CFAP91: variants seen among roughly 807,000 people sequenced by gnomAD.
The protein encoded by CFAP91 is cilia- and flagella-associated protein 91.
In CFAP91, 85 loss-of-function variants were observed where a neutral mutation model predicts 95.9. That is an observed-to-expected ratio of 0.89 (90% confidence interval 0.74 to 1.06). The LOEUF (loss-of-function observed/expected upper bound fraction) is 1.06. Ranked by LOEUF, CFAP91 falls within the 50% of genes least tolerant of loss-of-function variation. The pLI is 0.00. For missense variants in CFAP91, 962 were observed against 943.4 expected, an observed-to-expected ratio of 1.02 and a Z score of -0.26; for synonymous variants, 335 against 327.5, an observed-to-expected ratio of 1.02 and a Z score of -0.25.
chr3:119,711,470 T>A (rs2053471556), intron 5 of CFAP91, among the ~76,000 whole-genome samples: 3 of 152,208 alleles, frequency 2.0e-5, no homozygotes, highest in Admixed American at 2.0e-4. Context: ...TAACTAATTC[T>A]AGGGAGTTCA....
At chr3:119,761,215 A>T (rs78648514) in intron 17 of CFAP91, among the ~76,000 whole-genome samples, 1 of 151,822 alleles carries the variant, frequency 6.6e-6, no homozygotes, top group Non-Finnish European at 1.5e-5. Context: ...AATGCAAAAG[A>T]TAAGACTACT....
chr3:119,729,712 G>T (rs543875631), intron 7 of CFAP91, among the ~76,000 whole-genome samples: 1 of 152,228 alleles, frequency 6.6e-6, no homozygotes, highest in South Asian at 2.1e-4. Flanking sequence ...TCTGTGCATT[G>T]TTGGATGCAC....
chr3:119,735,091 C>T (rs545753280), intron 10 of CFAP91, among the ~76,000 whole-genome samples: 9 of 151,922 alleles, frequency 5.9e-5, no homozygotes, highest in Non-Finnish European at 2.9e-5. Context: ...TTATCTTATT[C>T]ATGTCTACTC....
chr3:119,728,876 C>G lies in CFAP91; in HGVS notation c.861-1344C>G, dbSNP rs1431148579. The stretch of plus-strand genomic sequence containing the variant: ...TCTTCCACGAAGAGTTTTCACTCTT[C>G]TAGCCTGGTATGTATCTCCTTGTGC... On this transcript the variant is annotated intron_variant, in intron 7 of 17. Transcript: ENST00000273390. 3.3e-5 allele frequency among the ~76,000 whole-genome samples: 5 copies of G among 152,356 alleles called. No individual in the cohort carries two copies. The East Asian group carries it at 9.6e-4, about 29-fold the overall frequency.
Position 119,751,043 on chromosome 3 carries a change from C to T in CFAP91, c.2250C>T (p.Ala750=). ...KKLTEGEQDE[A]SNAAMLLEKE... is the part of the protein sequence containing the mutation. ...TAACTGAGGGAGAGCAAGATGAGGC[C>T]TCAAATGCTGCCATGTTACTTGAGA... is the stretch of plus-strand genomic sequence containing the variant. Residue 750 remains alanine, a synonymous_variant, in exon 17 of 18, where the codon GCC becomes GCT. Transcript: ENST00000273390. 6.2e-7 allele frequency: 1 copy of T among 1,613,406 alleles called. No individual in the cohort carries two copies. The highest frequency in any genetic ancestry group is 8.5e-7 in the Non-Finnish European group (1 of 1,179,722).
intron 17 of CFAP91, among the ~76,000 whole-genome samples, chr3:119,755,861 T>C (rs2054417443): frequency 6.6e-6 from 1 of 152,150 alleles, no homozygotes; most frequent in Non-Finnish European, 1.5e-5. Flanking sequence ...GAATCTCTCC[T>C]GAGAGATATT....
Position 119,766,044 on chromosome 3 carries a change from A to G in CFAP91, c.*994A>G, listed in dbSNP as rs2054621888. 6.6e-6 allele frequency: 1 copy of G among 152,242 alleles called. No homozygotes were observed. Among genetic ancestry groups the G allele is most frequent in the South Asian group, 2.1e-4 (1 of 4,830 alleles). The allele number at this position is 152,242 out of a possible 1,614,324, so 9.4% of individuals were successfully genotyped here. On this transcript the variant is annotated 3_prime_UTR_variant, in exon 18 of 18. Transcript: ENST00000273390. ...AAAAGGAAGTGGGCTAAGATGGGAAAAATATAAAAAGATTTAAAATCCAGC... is the reference window on the plus strand; with the variant it reads ...AAAAGGAAGTGGGCTAAGATGGGAAGAATATAAAAAGATTTAAAATCCAGC...
chr3:119,737,545 A>C, intron 11 of CFAP91, 63 bp downstream of exon 11: 3 of 1,038,944 alleles, frequency 2.9e-6, no homozygotes, highest in Middle Eastern at 4.2e-4. Flanking sequence ...TATTCTTAGG[A>C]TAGTTTAGCT....
rs75410918 is a variant in CFAP91, at chr3:119,750,994, C to G, written c.2201C>G (p.Thr734Arg). Residue 734 changes from threonine to arginine, a missense_variant, in exon 17 of 18, where the codon ACG (threonine) becomes AGG (arginine). Coordinates refer to ENST00000273390, the MANE Select transcript of CFAP91 (RefSeq NM_033364.4). The stretch of plus-strand genomic sequence containing the variant: ...GCCCATCAGATCATCCACAGTTACA[C>G]GGAAAGCATGGTTCAAAAGAAATTA... ...LAAHQIIHSY[T>R]ESMVQKKLTE... The G allele has an allele frequency of 6.2e-7, 1 of 1,613,868 alleles. No individual in the cohort carries two copies. Among genetic ancestry groups the G allele is most frequent in the Non-Finnish European group, 8.5e-7 (1 of 1,179,868 alleles).
At chr3:119,706,743 C>T (rs558758154) in intron 1 of CFAP91, 66 bp from the exon 2 acceptor site, 9 of 1,177,972 alleles carry the variant, frequency 7.6e-6, no homozygotes, top group Middle Eastern at 2.0e-4. Flanking sequence ...CATTACTTTG[C>T]CATTATTCTC....
chr3:119,736,327 A>G (rs2054005987), intron 10 of CFAP91, among the ~76,000 whole-genome samples: 1 of 130,686 alleles, frequency 7.7e-6, no homozygotes, highest in Non-Finnish European at 1.5e-5. Context: ...GCTGGAGGGC[A>G]GTGGTGCGAT....
chr3:119,715,650 G>A lies in CFAP91; in HGVS notation c.589G>A (p.Asp197Asn), dbSNP rs776492447. 1.2e-6 allele frequency: 2 copies of A among 1,613,354 alleles called. No homozygotes were observed. Among genetic ancestry groups the A allele is most frequent in the Non-Finnish European group, 1.7e-6 (2 of 1,179,446 alleles). ...STVGTQTDYR[D>N]ADVQTDPYSA... ...TGTGGGCACTCAGACTGATTATCGG[G>A]ATGCTGACGTTCAAACAGATCCATA... The change falls in exon 6 of 18, where the codon GAT (aspartate) becomes AAT (asparagine). Residue 197 changes from aspartate (D) to asparagine (N), a missense_variant. By Grantham distance (23) the Asp-to-Asn change is conservative (BLOSUM62 1). Coordinates refer to ENST00000273390, the MANE Select transcript of CFAP91 (RefSeq NM_033364.4).
Position 119,708,601 on chromosome 3 carries a change from T to C in CFAP91, c.370T>C (p.Ser124Pro). The C allele has an allele frequency of 6.2e-7, 1 of 1,601,024 alleles. No homozygotes were observed. The highest frequency in any genetic ancestry group is 8.5e-7 in the Non-Finnish European group (1 of 1,172,602). The change falls in exon 4 of 18, where the codon TCT (serine) becomes CCT (proline). Residue 124 changes from serine (S) to proline (P), a missense_variant. By Grantham distance (74) the Ser-to-Pro change is moderately conservative (BLOSUM62 -1). Transcript: ENST00000273390. ...ALRQLTTTDA[S>P]FQMPKEVYED... ...CTTGCTTCATTTTAGAACTGACGCT[T>C]CTTTTCAGATGCCTAAAGAAGTTTA...
chr3:119,766,664 G>A lies in CFAP91; in HGVS notation c.*1614G>A, dbSNP rs2054634318. The stretch of plus-strand genomic sequence containing the variant: ...TACATTAGGGTTTGCGGGTCTGATG[G>A]TCGCCATCATAACTGCATACTCAAC... On this transcript the variant is annotated 3_prime_UTR_variant, in exon 18 of 18. Transcript: ENST00000273390. 6.6e-6 allele frequency: 1 copy of A among 152,138 alleles called. No homozygotes were observed. Among genetic ancestry groups the A allele is most frequent in the African/African-American group, 2.4e-5 (1 of 41,422 alleles). 9.4% of individuals were successfully genotyped at this position (152,138 alleles called of 1,614,324 possible).
chr3:119,749,210 G>A (rs533891134), intron 16 of CFAP91: 1 of 152,254 alleles, frequency 6.6e-6, no homozygotes, highest in East Asian at 1.9e-4. Context: ...AAAGAGAGGA[G>A]GAAAACTGGG....
intron 1 of CFAP91, chr3:119,705,860 T>G (rs533615111): frequency 6.6e-6 from 1 of 152,352 alleles, no homozygotes; most frequent in South Asian, 2.1e-4. Flanking sequence ...CTCTTGCAGC[T>G]TTTCAGCCTT....
intron 6 of CFAP91, among the ~76,000 whole-genome samples, chr3:119,720,941 G>A (rs550702268): frequency 6.6e-6 from 1 of 151,982 alleles, no homozygotes; most frequent in African/African-American, 2.4e-5. Context: ...AAAAAAGTTT[G>A]TACATGTTCA....
rs760185993 is a variant in CFAP91, at chr3:119,703,078, C to T, written c.-21C>T. 1.5e-5 allele frequency: 23 copies of T among 1,550,266 alleles called. No homozygotes were observed. Among genetic ancestry groups the T allele is most frequent in the African/African-American group, 2.7e-5 (2 of 73,072 alleles). On this transcript the variant is annotated 5_prime_UTR_variant, in exon 1 of 18. Transcript: ENST00000273390. ...GCCTGACCCGCTGGTCCCTTGCTGGCGGGAGGAAAGAGGCGGCACCATGAG... is the reference window on the plus strand; with the variant it reads ...GCCTGACCCGCTGGTCCCTTGCTGGTGGGAGGAAAGAGGCGGCACCATGAG...
Position 119,724,977 on chromosome 3 carries a change from A to G in CFAP91, c.683-1194A>G, listed in dbSNP as rs958922194. 5.3e-5 allele frequency among the ~76,000 whole-genome samples: 8 copies of G among 151,848 alleles called. 1 individual carries two copies. In the East Asian group the frequency reaches 9.6e-4, roughly 18 times the overall value. ...TATTACTTATTTGCTTTTTAAAAGC[A>G]TAAACATTGCAAAAGATCTGAAATA... On this transcript the variant is annotated intron_variant, in intron 6 of 17. Transcript: ENST00000273390.
Sources: allele counts gnomAD v4.1 joint callset (sites outside exome capture counted in the v4.1 genomes callset), GRCh38; gene constraint gnomAD v4.1.1; transcripts MANE v1.5; gene names NCBI Gene and HGNC (gene_info 2026-07-23, HGNC 2026-07-21).